The following ZNF569 variants were observed in gnomAD, a reference collection of about 807,000 sequenced individuals.
ZNF569 encodes the protein zinc finger protein 569.
Under a neutral mutation model 56.3 loss-of-function variants are expected in ZNF569, and 38 were observed. The ratio of observed to expected loss-of-function variants is 0.68; its 90% CI spans 0.52 to 0.88. The LOEUF is 0.88. Ranked by LOEUF, ZNF569 falls within the 40% of genes least tolerant of loss-of-function variation. The pLI, the probability that ZNF569 is intolerant of heterozygous loss-of-function variation, is 0.00. For synonymous variants in ZNF569, 241 were observed against 262.9 expected (o/e 0.92, Z 0.81); for missense variants, 666 against 809.2 (o/e 0.82, Z 2.15).
At chr19:37,450,962 A>G (rs1284838199) in intron 2 of ZNF569, among the ~76,000 whole-genome samples, 1 of 152,204 alleles carries the variant, frequency 6.6e-6, no homozygotes, top group African/African-American at 2.4e-5. Flanking sequence ...GTTTCATTCT[A>G]CTGTGGTCAG....
intron 3 of ZNF569, chr19:37,427,653 T>C (rs902070522): frequency 5.6e-6 from 2 of 354,912 alleles, no homozygotes; most frequent in African/African-American, 4.2e-5. Context: ...GAGAAAGCTG[T>C]GGTACTGATG....
At chr19:37,426,040 G>A in intron 4 of ZNF569, 77 bp from the exon 5 acceptor site, 1 of 1,498,470 alleles carries the variant, frequency 6.7e-7, no homozygotes, top group Non-Finnish European at 9.2e-7. Flanking sequence ...GGCTGGCCCA[G>A]GAAAACCAGG....
At chr19:37,428,311 C>G (rs2146896253) in intron 3 of ZNF569, among the ~76,000 whole-genome samples, 1 of 152,046 alleles carries the variant, frequency 6.6e-6, no homozygotes, top group East Asian at 1.9e-4. Flanking sequence ...CAAGGCCAGT[C>G]TGGGCAACAT....
intron 2 of ZNF569, chr19:37,454,795 A>G: frequency 1.4e-6 from 1 of 699,742 alleles, no homozygotes; most frequent in South Asian, 1.5e-5. Context: ...TTCACACTTT[A>G]AAAATTTGTT....
chr19:37,458,316 T>A (rs2041705351), intron 2 of ZNF569, among the ~76,000 whole-genome samples: 1 of 152,270 alleles, frequency 6.6e-6, no homozygotes, highest in African/African-American at 2.4e-5. Context: ...GAATACCTCA[T>A]TAGCTTCATC....
intron 3 of ZNF569, among the ~76,000 whole-genome samples, chr19:37,429,246 C>T (rs2041186471): frequency 6.6e-6 from 1 of 152,142 alleles, no homozygotes; most frequent in Non-Finnish European, 1.5e-5. Flanking sequence ...ACGAGGTATA[C>T]CATTTCTCCT....
chr19:37,434,375 C>T (rs1365628488), intron 3 of ZNF569, among the ~76,000 whole-genome samples: 1 of 150,842 alleles, frequency 6.6e-6, no homozygotes, highest in African/African-American at 2.4e-5. Context: ...TGTTTCAAGA[C>T]ACAGTACAAT....
At chr19:37,430,844 G>A (rs1277321302) in intron 3 of ZNF569, among the ~76,000 whole-genome samples, 1 of 152,224 alleles carries the variant, frequency 6.6e-6, no homozygotes, top group African/African-American at 2.4e-5. Context: ...TTCTCCGGCA[G>A]TGGCCATATG....
intron 5 of ZNF569, among the ~76,000 whole-genome samples, chr19:37,422,127 A>G (rs983413875): frequency 2.0e-5 from 3 of 152,196 alleles, no homozygotes; most frequent in African/African-American, 7.2e-5. Flanking sequence ...CTTTTGGTCT[A>G]TCTTGGCTTT....
At chr19:37,465,877 G>A (rs2041823446) in intron 1 of ZNF569, among the ~76,000 whole-genome samples, 1 of 152,208 alleles carries the variant, frequency 6.6e-6, no homozygotes, top group African/African-American at 2.4e-5. Context: ...AGAAGCTACA[G>A]AGAACTAAAT....
chr19:37,426,406 G>T, intron 3 of ZNF569, 28 bp from the exon 4 acceptor site: 1 of 1,564,942 alleles, frequency 6.4e-7, no homozygotes, highest in Non-Finnish European at 8.6e-7. Context: ...CACTCAATCT[G>T]AAGTCATCCA....
At chr19:37,433,117 GCTGGTCTCAAA>G (rs1474764550) in intron 3 of ZNF569, among the ~76,000 whole-genome samples, 3 of 151,800 alleles carry the variant, frequency 2.0e-5, no homozygotes, top group African/African-American at 4.8e-5. Flanking sequence ...CGTTGCCCAA[GCTGGTCTCAAA>G]CTGGTCTCAA....
At chr19:37,443,791 G>A (rs1050323520) in intron 3 of ZNF569, among the ~76,000 whole-genome samples, 2 of 151,344 alleles carry the variant, frequency 1.3e-5, no homozygotes, top group Admixed American at 6.6e-5. Context: ...TGGATCACTT[G>A]AGGTCAAGAG....
chr19:37,435,189 TTAAAGTG>T (rs2041289769), intron 3 of ZNF569, among the ~76,000 whole-genome samples: 1 of 152,222 alleles, frequency 6.6e-6, no homozygotes, highest in South Asian at 2.1e-4. Context: ...GGGGACAAAG[TTAAAGTG>T]TAGAGTACTA....
Position 37,413,893 on chromosome 19 carries a change from T to C in ZNF569, c.765A>G (p.Ser255=). 6.2e-7 allele frequency: 1 copy of C among 1,613,346 alleles called. No individual in the cohort carries two copies. The highest frequency in any genetic ancestry group is 8.5e-7 in the Non-Finnish European group (1 of 1,179,886). ...GAATTCTTTGATGTCTAATGAGATT[T>C]GACATTTTAATGAAAGCTTTACCAC... ...NECGKAFIKM[S]NLIRHQRIHT... The change falls in exon 6 of 6, where the codon TCA becomes TCG. Residue 255 remains serine, a synonymous_variant. Transcript: ENST00000316950.
At chr19:37,469,229 T>C (rs2041909164), upstream of ZNF569, 2 of 1,357,028 alleles carry the variant, frequency 1.5e-6, no homozygotes, top group African/African-American at 1.5e-5. Flanking sequence ...TGCGCGGAGC[T>C]GCACCGCTGC....
intron 2 of ZNF569, among the ~76,000 whole-genome samples, chr19:37,459,009 CAAAAG>C (rs1332082749): frequency 6.6e-6 from 1 of 151,874 alleles, no homozygotes; most frequent in Non-Finnish European, 1.5e-5. Flanking sequence ...GAATGAAAAA[CAAAAG>C]AGAACATCCA....
At chr19:37,468,696 CGG>C (rs963615464), upstream of ZNF569, among the ~76,000 whole-genome samples, 1 of 152,026 alleles carries the variant, frequency 6.6e-6, no homozygotes, top group African/African-American at 2.4e-5. Flanking sequence ...TTAGTAGAGA[CGG>C]GGTTTCACCA....
intron 2 of ZNF569, among the ~76,000 whole-genome samples, chr19:37,454,489 C>G (rs940156616): frequency 6.6e-6 from 1 of 152,136 alleles, no homozygotes; most frequent in Non-Finnish European, 1.5e-5. Context: ...TCCTCCCCTA[C>G]TCCCAGAGAT....
Sources: gnomAD v4.1 joint callset for allele counts (sites outside exome capture counted in the v4.1 genomes callset) on GRCh38, gnomAD v4.1.1 for gene constraint, MANE v1.5 for transcripts, NCBI Gene and HGNC (gene_info 2026-07-23, HGNC 2026-07-21) for gene names.